KIF2A: variants seen among roughly 807,000 people sequenced by gnomAD.
KIF2A encodes kinesin family member 2A.
A neutral mutation model predicts 100.2 loss-of-function variants in KIF2A; 22 were observed. The observed-to-expected ratio is 0.22, with a 90% confidence interval of 0.16 to 0.31. The LOEUF is 0.31. KIF2A is among the 10% of genes least tolerant of loss of function. The pLI, the probability that KIF2A is intolerant of heterozygous loss-of-function variation, is 1.00. For synonymous variants in KIF2A, 268 were observed against 285.9 expected, an observed-to-expected ratio of 0.94 and a Z score of 0.63; for missense variants, 495 against 898.7, an observed-to-expected ratio of 0.55 and a Z score of 5.74.
chr5:62,317,163 C>T (rs1408343802), intron 1 of KIF2A, among the ~76,000 whole-genome samples: 2 of 152,074 alleles, frequency 1.3e-5, no homozygotes, highest in African/African-American at 4.8e-5. Context: ...ATTCTCTTGC[C>T]TCAGCCTCCC....
chr5:62,373,973 G>T, intron 18 of KIF2A, 136 bp downstream of exon 18: 1 of 681,494 alleles, frequency 1.5e-6, no homozygotes, highest in East Asian at 2.7e-5. Flanking sequence ...ACCAATTTGG[G>T]AGGCTGAGTG....
At chr5:62,315,369 T>C (rs1745765348) in intron 1 of KIF2A, among the ~76,000 whole-genome samples, 1 of 152,044 alleles carries the variant, frequency 6.6e-6, no homozygotes, top group Non-Finnish European at 1.5e-5. Context: ...CCTAACATAC[T>C]GATGAAGCTT....
chr5:62,359,005 A>G (rs998204107), intron 9 of KIF2A, among the ~76,000 whole-genome samples: 3 of 152,216 alleles, frequency 2.0e-5, no homozygotes, highest in African/African-American at 7.2e-5. Flanking sequence ...TTATTAATTT[A>G]TCTAAATCTG....
In KIF2A at chr5:62,383,229, A is replaced by ATTTTTTTTT. The variant is rs70977902; in HGVS notation, c.2149+1999_2149+2007dup. ...GGCATGAGCCACCATGCCTGGCCAG[A>ATTTTTTTTT]TTTTTTTTTTTTTTTTTTTTTTTTT... is the stretch of plus-strand genomic sequence containing the variant. On this transcript the variant is annotated intron_variant, in intron 20 of 20. Transcript: ENST00000407818. Among the ~76,000 whole-genome samples the ATTTTTTTTT allele has an allele frequency of 1.5e-4, 6 of 39,100 alleles. 1 individual carries two copies. Among genetic ancestry groups the ATTTTTTTTT allele is most frequent in the African/African-American group, 6.9e-4 (6 of 8,710 alleles). 25.7% of individuals were successfully genotyped at this position (39,100 alleles called of 152,430 possible).
intron 20 of KIF2A, among the ~76,000 whole-genome samples, chr5:62,383,814 CTTAA>C (rs1248608344): frequency 2.0e-5 from 3 of 152,140 alleles, no homozygotes; most frequent in African/African-American, 7.2e-5. Context: ...TAGCATTCAA[CTTAA>C]TTGACTTCCT....
intron 1 of KIF2A, among the ~76,000 whole-genome samples, chr5:62,345,533 C>T (rs1747520452): frequency 6.6e-6 from 1 of 151,646 alleles, no homozygotes; most frequent in Non-Finnish European, 1.5e-5. Flanking sequence ...CACAGTGGCT[C>T]ACACCTGTAA....
chr5:62,313,473 C>G (rs1697552637), intron 1 of KIF2A, among the ~76,000 whole-genome samples: 1 of 151,762 alleles, frequency 6.6e-6, no homozygotes, highest in Non-Finnish European at 1.5e-5. Context: ...CTGCCTCAGC[C>G]TCCTAAGTAG....
rs1210105146 is a variant in KIF2A at position 62,389,006 on chromosome 5, AT to A, written c.*3438del. 1.9e-6 allele frequency: 3 copies of A among 1,605,634 alleles called. No homozygotes were observed. Among genetic ancestry groups the A allele is most frequent in the Non-Finnish European group, 2.5e-6 (3 of 1,177,564 alleles). Reference sequence around the variant, plus strand: ...GACCTTGAAAATTTCTGTTTTCCAAATACCTAGGAAAAATGAATACCTTCTG... The same window carrying A: ...GACCTTGAAAATTTCTGTTTTCCAAAACCTAGGAAAAATGAATACCTTCTG... On this transcript the variant is annotated 3_prime_UTR_variant, in exon 21 of 21. Coordinates refer to ENST00000407818, the MANE Select transcript of KIF2A (RefSeq NM_001098511.3).
At chr5:62,314,758 GTT>G (rs34987605) in intron 1 of KIF2A, among the ~76,000 whole-genome samples, 1,816 of 100,836 alleles carry the variant, frequency 0.018, 42 homozygotes, top group African/African-American at 0.062. Context: ...AGAATGAACT[GTT>G]TTTTTTTTTT....
chr5:62,366,112 G>GT (rs1741056671), intron 15 of KIF2A, among the ~76,000 whole-genome samples: 1 of 150,902 alleles, frequency 6.6e-6, no homozygotes, highest in Non-Finnish European at 1.5e-5. Context: ...TCAAAAAGCT[G>GT]TTTAAAAAAA....
chr5:62,307,916 C>T (rs756011719), intron 1 of KIF2A, among the ~76,000 whole-genome samples: 5 of 152,174 alleles, frequency 3.3e-5, no homozygotes, highest in African/African-American at 1.2e-4. Context: ...TCGCGCCTGG[C>T]CTCGATTCCT....
Position 62,350,057 on chromosome 5 carries a change from C to A in KIF2A, c.280-9C>A. 1 of 1,571,964 alleles carries A rather than the reference C, an allele frequency of 6.4e-7. No homozygotes were observed. The highest frequency in any genetic ancestry group is 2.3e-5 in the East Asian group (1 of 44,024). On this transcript the variant is annotated splice_polypyrimidine_tract_variant and intron_variant, in intron 3 of 20. Transcript: ENST00000407818. ...TAGAAAACATAATGAACATTTTTTC[C>A]TTTCATAGAATCGACGGACTGTAGC...
chr5:62,339,354 GTCACCTCCACCATCCAA>G (rs1425869124), intron 1 of KIF2A, among the ~76,000 whole-genome samples: 3 of 151,604 alleles, frequency 2.0e-5, no homozygotes, highest in Admixed American at 2.0e-4. Flanking sequence ...CAGTGATCTA[GTCACCTCCACCATCCAA>G]TCACCTCCAC....
chr5:62,370,576 A>G (rs1741276655), intron 16 of KIF2A, among the ~76,000 whole-genome samples: 1 of 152,142 alleles, frequency 6.6e-6, no homozygotes, highest in African/African-American at 2.4e-5. Flanking sequence ...GGATTACAGC[A>G]TAAGCCACTG....
rs1182154367 is a variant in KIF2A at position 62,390,205 on chromosome 5, A to G, written c.*4636A>G. 6.6e-6 allele frequency among the ~76,000 whole-genome samples: 1 copy of G among 152,216 alleles called. No homozygotes were observed. Among genetic ancestry groups the G allele is most frequent in the Non-Finnish European group, 1.5e-5 (1 of 68,038 alleles). ...AAGACCTTCTGAAAGTTAACATCTT[A>G]ATGATTAAAAACAGTAAGTACAGGT... On this transcript the variant is annotated 3_prime_UTR_variant, in exon 21 of 21. Coordinates refer to ENST00000407818, the MANE Select transcript of KIF2A (RefSeq NM_001098511.3).
chr5:62,361,677 AAAG>A (rs1242334076), intron 11 of KIF2A, 148 bp downstream of exon 11: 1 of 525,784 alleles, frequency 1.9e-6, no homozygotes, highest in Non-Finnish European at 3.3e-6. Context: ...GATTGCTTGA[AAAG>A]AACTATAAGA....
At chr5:62,381,999 T>A (rs1741792556) in intron 20 of KIF2A, among the ~76,000 whole-genome samples, 1 of 152,226 alleles carries the variant, frequency 6.6e-6, no homozygotes. Flanking sequence ...TAGCTTCAGC[T>A]ATGTATTTCT....
chr5:62,385,352 AC>A (rs1741972066), intron 20 of KIF2A, 131 bp from the exon 21 acceptor site: 2 of 615,022 alleles, frequency 3.3e-6, no homozygotes, highest in Non-Finnish European at 5.6e-6. Context: ...TTTCTAGACA[AC>A]AAAGAACAAA....
At chr5:62,341,306 A>AT (rs200726866) in intron 1 of KIF2A, among the ~76,000 whole-genome samples, 19,905 of 145,268 alleles carry the variant, frequency 0.14, 1,521 homozygotes, top group East Asian at 0.26. Context: ...TGTCTCCTTG[A>AT]TTTTTTTTTT....
Sources: gnomAD v4.1 joint callset for allele counts (sites outside exome capture counted in the v4.1 genomes callset) on GRCh38, gnomAD v4.1.1 for gene constraint, MANE v1.5 for transcripts, NCBI Gene and HGNC (gene_info 2026-07-23, HGNC 2026-07-21) for gene names.